The following ELOVL7 variants were observed in gnomAD, a reference collection of about 807,000 sequenced individuals.
ELOVL7 encodes ELOVL fatty acid elongase 7.
ELOVL7 carries 27 observed loss-of-function variants against 35.7 expected under a neutral mutation model. That is an observed-to-expected ratio of 0.76 (90% CI 0.56 to 1.04). The LOEUF (loss-of-function observed/expected upper bound fraction) is 1.04. Among genes scored for constraint, ELOVL7 ranks in the 50% least tolerant of loss-of-function variants. ELOVL7 has a pLI of 0.00. For synonymous variants in ELOVL7, 113 were observed against 114.6 expected (o/e 0.99, Z 0.09); for missense variants, 327 against 340.8 (o/e 0.96, Z 0.32).
At position 60,836,664 on chromosome 5, in the gene ELOVL7, G is replaced by A. The variant is rs529923385; in HGVS notation, c.-86+7496C>T. Among the ~76,000 whole-genome samples, 143 of 152,046 alleles carry A rather than the reference G, an allele frequency of 9.4e-4. 2 individuals are homozygous for A. Among genetic ancestry groups the A allele is most frequent in the African/African-American group, 3.3e-3 (137 of 41,364 alleles). On this transcript the variant is annotated intron_variant, in intron 1 of 8. Transcript: ENST00000508821. ...AATAAGTGCCCTTTACTTTTGTTCT[G>A]CCCTTGTTAGAGCATTTAATTAAAA...
chr5:60,817,950 C>G (rs1745628442), intron 1 of ELOVL7, among the ~76,000 whole-genome samples: 1 of 150,756 alleles, frequency 6.6e-6, no homozygotes, highest in Non-Finnish European at 1.5e-5. Flanking sequence ...ATCCAAATGT[C>G]CACCAATATG....
At chr5:60,759,417 T>C (rs1741744833) in intron 7 of ELOVL7, among the ~76,000 whole-genome samples, 1 of 152,002 alleles carries the variant, frequency 6.6e-6, no homozygotes, top group South Asian at 2.1e-4. Context: ...AAAAATAGAA[T>C]AGTTGTCTAC....
At chr5:60,763,599 G>T (rs1742052999) in intron 7 of ELOVL7, among the ~76,000 whole-genome samples, 1 of 152,036 alleles carries the variant, frequency 6.6e-6, no homozygotes, top group Non-Finnish European at 1.5e-5. Flanking sequence ...AATTATTTCT[G>T]GTTTCTCCAA....
intron 1 of ELOVL7, among the ~76,000 whole-genome samples, chr5:60,812,815 C>T (rs1330653457): frequency 1.3e-5 from 2 of 152,176 alleles, no homozygotes; most frequent in African/African-American, 4.8e-5. Flanking sequence ...TTGGCTTCCA[C>T]AGTATAGCAT....
chr5:60,774,516 C>T (rs1279587264), intron 3 of ELOVL7, among the ~76,000 whole-genome samples: 1 of 152,130 alleles, frequency 6.6e-6, no homozygotes, highest in Non-Finnish European at 1.5e-5. Flanking sequence ...TAAGGGCCAT[C>T]TATGACAAAC....
chr5:60,794,523 C>A (rs1744128424), intron 2 of ELOVL7, among the ~76,000 whole-genome samples: 1 of 149,402 alleles, frequency 6.7e-6, no homozygotes, highest in Non-Finnish European at 1.5e-5. Flanking sequence ...CAGTGGGAAG[C>A]ACCAGACAAG....
intron 1 of ELOVL7, among the ~76,000 whole-genome samples, chr5:60,839,075 C>T (rs750580988): frequency 3.4e-5 from 5 of 145,772 alleles, no homozygotes; most frequent in African/African-American, 5.1e-5. Context: ...TGATGGCTCA[C>T]GCCTGTAAGC....
At chr5:60,791,078 G>C (rs1016579804) in intron 2 of ELOVL7, among the ~76,000 whole-genome samples, 1 of 152,150 alleles carries the variant, frequency 6.6e-6, no homozygotes, top group Non-Finnish European at 1.5e-5. Context: ...CCAGGCTCAA[G>C]TGATCCTCCT....
At chr5:60,788,238 C>T (rs932609758) in intron 2 of ELOVL7, among the ~76,000 whole-genome samples, 2 of 152,044 alleles carry the variant, frequency 1.3e-5, no homozygotes, top group South Asian at 4.1e-4. Flanking sequence ...CGTATTTTAA[C>T]ATCTGTAAAA....
chr5:60,788,346 T>C (rs1743723897), intron 2 of ELOVL7, among the ~76,000 whole-genome samples: 1 of 152,208 alleles, frequency 6.6e-6, no homozygotes, highest in African/African-American at 2.4e-5. Flanking sequence ...CTAGAGATGA[T>C]GGTGGTGATG....
intron 1 of ELOVL7, among the ~76,000 whole-genome samples, chr5:60,813,544 T>A (rs1038871327): frequency 2.6e-5 from 4 of 152,104 alleles, no homozygotes; most frequent in African/African-American, 9.7e-5. Flanking sequence ...TGCCCTCCAA[T>A]GTAAAAATCT....
rs34086506 is a variant in ELOVL7, at chr5:60,807,992, C to CAAAAAAAA, written c.-85-8770_-85-8763dup. Among the ~76,000 whole-genome samples the CAAAAAAAA allele has an allele frequency of 5.3e-3, 227 of 42,472 alleles. 8 individuals are homozygous for CAAAAAAAA. The highest frequency in any genetic ancestry group is 6.9e-3 in the Non-Finnish European group (158 of 22,938). 27.9% of individuals were successfully genotyped at this position (42,472 alleles called of 152,430 possible). A position where few individuals can be genotyped will look rare whatever the true frequency, so the allele number is the denominator to read the frequency against. On this transcript the variant is annotated intron_variant, in intron 1 of 8. Coordinates refer to ENST00000508821, the MANE Select transcript of ELOVL7 (RefSeq NM_024930.3). ...CCAGCCTGGGCGTGAGACTCCGTCT[C>CAAAAAAAA]AAAAAAAAAAAAAAAAAAAAAAAAA... is the stretch of plus-strand genomic sequence containing the variant.
intron 1 of ELOVL7, among the ~76,000 whole-genome samples, chr5:60,807,992 CAAAAAAAA>C (rs34086506): frequency 7.1e-5 from 3 of 42,422 alleles, no homozygotes; most frequent in Admixed American, 4.8e-4. Context: ...GACTCCGTCT[CAAAAAAAA>C]AAAAAAAAAA....
intron 2 of ELOVL7, among the ~76,000 whole-genome samples, chr5:60,793,414 G>A (rs1744059600): frequency 6.6e-6 from 1 of 152,128 alleles, no homozygotes; most frequent in Non-Finnish European, 1.5e-5. Flanking sequence ...AAGCTAGCAG[G>A]CACCAAATAT....
intron 3 of ELOVL7, among the ~76,000 whole-genome samples, chr5:60,777,242 T>C (rs1477150008): frequency 6.6e-6 from 1 of 152,072 alleles, no homozygotes; most frequent in Non-Finnish European, 1.5e-5. Flanking sequence ...ATAATTGGAT[T>C]ATTTGTAACC....
At chr5:60,843,474 T>G (rs1747307264) in intron 1 of ELOVL7, 1 of 152,132 alleles carries the variant, frequency 6.6e-6, no homozygotes, top group Admixed American at 6.5e-5. Flanking sequence ...CACGACCTGT[T>G]CCACGGCTCT....
chr5:60,758,761 T>C (rs1741701749), intron 7 of ELOVL7, among the ~76,000 whole-genome samples: 1 of 152,226 alleles, frequency 6.6e-6, no homozygotes, highest in Non-Finnish European at 1.5e-5. Flanking sequence ...TGGGGTCCGT[T>C]TCCTAAGACG....
chr5:60,823,647 T>TA (rs1402127682), intron 1 of ELOVL7, among the ~76,000 whole-genome samples: 1 of 152,230 alleles, frequency 6.6e-6, no homozygotes, highest in Non-Finnish European at 1.5e-5. Context: ...GAGGGTTTTT[T>TA]AGAGATTAGT....
intron 1 of ELOVL7, among the ~76,000 whole-genome samples, chr5:60,809,275 A>T (rs552756433): frequency 2.6e-5 from 4 of 152,346 alleles, no homozygotes; most frequent in South Asian, 2.1e-4. Flanking sequence ...ATGAAGAAAA[A>T]ACCTACTGAA....
Sources: gnomAD v4.1 joint callset for allele counts (sites outside exome capture counted in the v4.1 genomes callset) on GRCh38, gnomAD v4.1.1 for gene constraint, MANE v1.5 for transcripts, NCBI Gene and HGNC (gene_info 2026-07-23, HGNC 2026-07-21) for gene names.